The following MIB1 variants were observed in gnomAD, a reference collection of about 807,000 sequenced individuals.
The protein encoded by MIB1 is E3 ubiquitin-protein ligase MIB1.
In MIB1, 278 loss-of-function variants were observed where a neutral mutation model predicts 124.5. That is an observed-to-expected ratio of 2.23 (90% confidence interval 2.02 to 2.47). The LOEUF (loss-of-function observed/expected upper bound fraction) is 2.47. Among genes scored for constraint, MIB1 ranks in the 30% most tolerant of loss-of-function variants. The pLI is 0.00. For missense variants in MIB1, 957 were observed against 1,254.4 expected (o/e 0.76, Z 3.58); for synonymous variants, 446 against 429.4 (o/e 1.04, Z -0.48).
At chr18:21,772,685 A>G (rs1258246330) in intron 3 of MIB1, among the ~76,000 whole-genome samples, 2 of 152,104 alleles carry the variant, frequency 1.3e-5, no homozygotes, top group East Asian at 3.9e-4. Context: ...GTATATATAT[A>G]TATTTTTTAA....
At chr18:21,856,240 A>AACAAAAAAC (rs1555696790) in intron 18 of MIB1, among the ~76,000 whole-genome samples, 5 of 135,446 alleles carry the variant, frequency 3.7e-5, no homozygotes, top group African/African-American at 8.2e-5. Flanking sequence ...CCGTCTCAAA[A>AACAAAAAAC]AAAAAACAAA....
chr18:21,817,699 C>A, intron 11 of MIB1: 1 of 446,088 alleles, frequency 2.2e-6, no homozygotes, highest in Non-Finnish European at 4.5e-6. Flanking sequence ...GGGCTCTGCC[C>A]CATGATGTAC....
intron 1 of MIB1, among the ~76,000 whole-genome samples, chr18:21,755,753 T>A (rs180952123): frequency 6.6e-6 from 1 of 152,212 alleles, no homozygotes; most frequent in Non-Finnish European, 1.5e-5. Context: ...GGAATACTTA[T>A]TTATTTATAT....
intron 8 of MIB1, among the ~76,000 whole-genome samples, chr18:21,798,501 C>T (rs1018993244): frequency 2.0e-5 from 3 of 152,108 alleles, no homozygotes; most frequent in African/African-American, 7.2e-5. Context: ...GGATTTTCCA[C>T]ATCAAATTTG....
At chr18:21,843,103 C>T (rs1205605158) in intron 13 of MIB1, 28 bp from the exon 14 acceptor site, 3 of 1,531,928 alleles carry the variant, frequency 2.0e-6, no homozygotes, top group Admixed American at 3.6e-5. Context: ...CAAATTTTAA[C>T]CATTTAACAT....
In MIB1 at chr18:21,815,027, ATAT is replaced by A. The variant is rs1360277206; in HGVS notation, c.1480-588_1480-586del. 6.6e-5 allele frequency among the ~76,000 whole-genome samples: 7 copies of A among 106,110 alleles called. No homozygotes were observed. In the East Asian group the frequency reaches 1.7e-3, roughly 26 times the overall value. 69.6% of individuals were successfully genotyped at this position (106,110 alleles called of 152,430 possible). ...CTGTTGGTTTTATATATATATATAT[ATAT>A]ATATATATATATATATATATATATA... On this transcript the variant is annotated intron_variant, in intron 10 of 20. Coordinates refer to ENST00000261537, the MANE Select transcript of MIB1 (RefSeq NM_020774.4).
At chr18:21,760,386 A>C (rs188741816) in intron 1 of MIB1, among the ~76,000 whole-genome samples, 1 of 152,292 alleles carries the variant, frequency 6.6e-6, no homozygotes, top group African/African-American at 2.4e-5. Flanking sequence ...TTTGAAGTCA[A>C]TTAATTGTAT....
upstream of MIB1, among the ~76,000 whole-genome samples, chr18:21,736,096 T>A (rs1259542609): frequency 3.9e-5 from 6 of 152,186 alleles, no homozygotes. Flanking sequence ...CACCTCCCAG[T>A]AGGGGCCGAC....
At chr18:21,756,467 T>A (rs1485478942) in intron 1 of MIB1, among the ~76,000 whole-genome samples, 1 of 151,972 alleles carries the variant, frequency 6.6e-6, no homozygotes, top group Non-Finnish European at 1.5e-5. Flanking sequence ...TAAAATTCTT[T>A]TTTTTATTTT....
intron 1 of MIB1, among the ~76,000 whole-genome samples, chr18:21,712,675 A>G (rs138163212): frequency 8.1e-4 from 123 of 152,310 alleles, no homozygotes; most frequent in African/African-American, 2.8e-3. Flanking sequence ...TCCCAGTCAA[A>G]TCTCCAGATG....
chr18:21,734,257 C>T (rs1214614166), intron 1 of MIB1, among the ~76,000 whole-genome samples: 1 of 151,890 alleles, frequency 6.6e-6, no homozygotes, highest in East Asian at 1.9e-4. Context: ...CAGGCGCCCG[C>T]CACCACGCCC....
intron 12 of MIB1, among the ~76,000 whole-genome samples, chr18:21,821,392 G>T (rs1055291773): frequency 2.0e-5 from 3 of 151,942 alleles, no homozygotes; most frequent in African/African-American, 7.3e-5. Flanking sequence ...CAATCCCTCA[G>T]CCCGCTTTGC....
chr18:21,801,209 T>G (rs1354193375), intron 9 of MIB1, among the ~76,000 whole-genome samples: 1 of 152,012 alleles, frequency 6.6e-6, no homozygotes, highest in Non-Finnish European at 1.5e-5. Context: ...ATGTCTTAAT[T>G]TTCTTTCTTC....
At chr18:21,744,521 T>C (rs1253334256) in intron 1 of MIB1, among the ~76,000 whole-genome samples, 1 of 152,212 alleles carries the variant, frequency 6.6e-6, no homozygotes, top group Non-Finnish European at 1.5e-5. Context: ...TATGCAGTGG[T>C]TATTATTAGT....
At chr18:21,857,325 T>C in intron 19 of MIB1, 82 bp downstream of exon 19, 2 of 808,494 alleles carry the variant, frequency 2.5e-6, no homozygotes, top group Non-Finnish European at 4.3e-6. Context: ...CGTAATACAC[T>C]ACTGCCTTAT....
At chr18:21,766,063 G>A (rs1206554130) in intron 2 of MIB1, 120 bp downstream of exon 2, 1 of 872,992 alleles carries the variant, frequency 1.1e-6, no homozygotes, top group Non-Finnish European at 1.8e-6. Context: ...CTAACAGGAG[G>A]TACCCAATAG....
intron 11 of MIB1, among the ~76,000 whole-genome samples, chr18:21,817,199 T>C (rs1312670844): frequency 6.9e-6 from 1 of 145,896 alleles, no homozygotes; most frequent in Non-Finnish European, 1.5e-5. Context: ...TCTTGCTCTG[T>C]TGCCCAGGCT....
chr18:21,793,707 G>A (rs1477697573), intron 7 of MIB1, among the ~76,000 whole-genome samples: 1 of 138,246 alleles, frequency 7.2e-6, no homozygotes, highest in Non-Finnish European at 1.5e-5. Context: ...CTTGAGCCCA[G>A]GAGGTTGAGG....
At chr18:21,705,841 G>T (rs367618776) in intron 1 of MIB1, among the ~76,000 whole-genome samples, 1 of 152,070 alleles carries the variant, frequency 6.6e-6, no homozygotes, top group Admixed American at 6.5e-5. Flanking sequence ...AATCTGTAGC[G>T]TAACAATTTC....
Sources: gnomAD v4.1 joint callset for allele counts (sites outside exome capture counted in the v4.1 genomes callset) on GRCh38, gnomAD v4.1.1 for gene constraint, MANE v1.5 for transcripts, NCBI Gene and HGNC (gene_info 2026-07-23, HGNC 2026-07-21) for gene names.